The following SLX9 variants were observed in gnomAD, a reference collection of about 807,000 sequenced individuals.
SLX9 encodes SLX9 ribosome biogenesis factor.
SLX9 carries 19 observed loss-of-function variants against 20.8 expected under a neutral mutation model. The ratio of observed to expected loss-of-function variants is 0.91; its 90% CI spans 0.64 to 1.34. The LOEUF (loss-of-function observed/expected upper bound fraction) is 1.34, where lower values mean the gene tolerates loss of function less well. Among genes scored for constraint, SLX9 ranks in the 40% most tolerant of loss-of-function variants. SLX9 has a pLI of 0.00. For synonymous variants in SLX9, 113 were observed against 137.1 expected, an observed-to-expected ratio of 0.82 and a Z score of 1.23; for missense variants, 299 against 322.2, an observed-to-expected ratio of 0.93 and a Z score of 0.55.
At chr21:44,967,973 C>A (rs2085069336) in intron 4 of SLX9, among the ~76,000 whole-genome samples, 1 of 152,002 alleles carries the variant, frequency 6.6e-6, no homozygotes, top group African/African-American at 2.4e-5. Flanking sequence ...CCCTTGGCTG[C>A]TGGCATCACA....
chr21:44,951,114 AAC>A (rs987621244), intron 2 of SLX9, among the ~76,000 whole-genome samples: 100 of 152,238 alleles, frequency 6.6e-4, no homozygotes, highest in African/African-American at 2.4e-3. Flanking sequence ...GCAGCAGCAG[AAC>A]ACACAGGAGA....
intron 3 of SLX9, among the ~76,000 whole-genome samples, chr21:44,960,424 C>T (rs924446007): frequency 6.6e-6 from 1 of 152,248 alleles, no homozygotes. Flanking sequence ...CCACCCCGTC[C>T]GTGTGGGCAC....
intron 5 of SLX9, among the ~76,000 whole-genome samples, chr21:44,975,229 C>T (rs974314953): frequency 1.3e-5 from 2 of 152,214 alleles, no homozygotes; most frequent in Non-Finnish European, 2.9e-5. Flanking sequence ...CTGGGTCATG[C>T]TCCCCTGGGG....
intron 5 of SLX9, among the ~76,000 whole-genome samples, chr21:44,974,939 C>T (rs1020008649): frequency 3.3e-5 from 5 of 152,214 alleles, no homozygotes; most frequent in South Asian, 2.1e-4. Context: ...GTCTGTCGCC[C>T]GCACCCCTCG....
intron 1 of SLX9, among the ~76,000 whole-genome samples, chr21:44,942,468 A>G (rs13046102): frequency 0.45 from 69,023 of 151,980 alleles, 17,775 homozygotes; most frequent in African/African-American, 0.71. Context: ...TGTGGGTGAG[A>G]GCACCTGGGG....
chr21:44,964,706 C>T (rs1360495521), intron 3 of SLX9, among the ~76,000 whole-genome samples: 2 of 152,260 alleles, frequency 1.3e-5, no homozygotes, highest in Non-Finnish European at 2.9e-5. Flanking sequence ...GGCCAGTTCA[C>T]ACCCACCCAT....
At chr21:44,940,212 G>T in intron 1 of SLX9, 26 bp downstream of exon 1, 2 of 1,222,620 alleles carry the variant, frequency 1.6e-6, no homozygotes, top group Non-Finnish European at 2.0e-6. Flanking sequence ...GCTGGCCGGG[G>T]GCTGCCGCGT....
At chr21:44,966,707 C>CCCCTCTGCT (rs1257828338) in intron 3 of SLX9, among the ~76,000 whole-genome samples, 2 of 152,218 alleles carry the variant, frequency 1.3e-5, no homozygotes, top group Non-Finnish European at 2.9e-5. Context: ...TCCCCTCTGT[C>CCCCTCTGCT]CCCTCTGCTC....
Position 44,967,044 on chromosome 21 carries a change from C to A in SLX9, c.363C>A (p.Ala121=). The change falls in exon 4 of 6, where the codon GCC becomes GCA. Residue 121 remains alanine (A), a synonymous_variant. Coordinates refer to ENST00000291634, the MANE Select transcript of SLX9 (RefSeq NM_058190.4). ...RREQWLQKIE[A]IKLAEQKHRE... ...TTTCTCCTTCCTTAGAAATCGAAGC[C>A]ATAAAACTGGCTGAGCAGAAGCACA... 6.2e-7 allele frequency: 1 copy of A among 1,610,782 alleles called. No individual in the cohort carries two copies. Among genetic ancestry groups the A allele is most frequent in the Non-Finnish European group, 8.5e-7 (1 of 1,179,326 alleles).
At chr21:44,954,073 A>G (rs1228679445) in intron 2 of SLX9, among the ~76,000 whole-genome samples, 2 of 152,048 alleles carry the variant, frequency 1.3e-5, no homozygotes, top group Non-Finnish European at 2.9e-5. Context: ...CACATGCTAC[A>G]TCCACCATTG....
chr21:44,939,878 G>C, upstream of SLX9: 1 of 599,898 alleles, frequency 1.7e-6, no homozygotes. Context: ...AGGTGCGTCG[G>C]TGAAAGGCGG....
rs1339075903 is a variant in SLX9, at chr21:44,976,718, G to C, written c.608G>C (p.Ser203Thr). Residue 203 changes from serine (S) to threonine (T), a missense_variant, in exon 6 of 6, where the codon AGT (serine) becomes ACT (threonine). Ser to Thr is a moderately conservative substitution (Grantham distance 58). Transcript: ENST00000291634. ...ERTRFQELLA[S>T]PAYRASPLVA... is the part of the protein sequence containing the mutation. ...ACCCGGTTTCAGGAGCTGCTGGCCAGTCCGGCCTACAGAGCCAGCCCCCTG... is the reference window on the plus strand; with the variant it reads ...ACCCGGTTTCAGGAGCTGCTGGCCACTCCGGCCTACAGAGCCAGCCCCCTG... The C allele has an allele frequency of 1.3e-6, 2 of 1,575,084 alleles. No homozygotes were observed. Among genetic ancestry groups the C allele is most frequent in the South Asian group, 2.3e-5 (2 of 86,384 alleles).
At chr21:44,963,868 T>C (rs2084988588) in intron 3 of SLX9, among the ~76,000 whole-genome samples, 1 of 152,264 alleles carries the variant, frequency 6.6e-6, no homozygotes, top group Admixed American at 6.5e-5. Flanking sequence ...TTCGTCTGTC[T>C]TGAGGTTGTT....
chr21:44,971,448 C>G (rs898875431), intron 4 of SLX9, among the ~76,000 whole-genome samples: 62 of 152,114 alleles, frequency 4.1e-4, no homozygotes, highest in Non-Finnish European at 6.6e-4. Context: ...GGGGGACGGT[C>G]CCCGCAGTGG....
At chr21:44,973,381 T>C in intron 5 of SLX9, 116 bp downstream of exon 5, 1 of 580,558 alleles carries the variant, frequency 1.7e-6, no homozygotes, top group South Asian at 1.9e-5. Context: ...TCTCCAGGGG[T>C]TCAGCTCCTG....
intron 4 of SLX9, among the ~76,000 whole-genome samples, chr21:44,972,877 C>T (rs1197440779): frequency 7.0e-6 from 1 of 142,374 alleles, no homozygotes; most frequent in Non-Finnish European, 1.5e-5. Flanking sequence ...TGACCACTCC[C>T]TCCATGTCCC....
intron 3 of SLX9, among the ~76,000 whole-genome samples, chr21:44,961,518 T>C (rs80074148): frequency 0.018 from 2,680 of 152,272 alleles, 85 homozygotes; most frequent in African/African-American, 0.062. Flanking sequence ...ACCCAGGAGT[T>C]TGAGGCTGCA....
At chr21:44,970,899 C>T (rs58771449) in intron 4 of SLX9, among the ~76,000 whole-genome samples, 11,893 of 152,258 alleles carry the variant, frequency 0.078, 1,547 homozygotes, top group African/African-American at 0.27. Context: ...CCCAACCCAG[C>T]TCCCTCAATC....
At chr21:44,964,866 A>G (rs1195673221) in intron 3 of SLX9, among the ~76,000 whole-genome samples, 1 of 152,000 alleles carries the variant, frequency 6.6e-6, no homozygotes, top group Non-Finnish European at 1.5e-5. Context: ...TTAGTATTTA[A>G]TTCATACATA....
Sources: gnomAD v4.1 joint callset for allele counts (sites outside exome capture counted in the v4.1 genomes callset) on GRCh38, gnomAD v4.1.1 for gene constraint, MANE v1.5 for transcripts, NCBI Gene and HGNC (gene_info 2026-07-23, HGNC 2026-07-21) for gene names.